Variants in ZNF721 observed in about 807,000 individuals in gnomAD.
ZNF721 encodes the protein zinc finger protein 721.
Under a neutral mutation model 2.4 loss-of-function variants are expected in ZNF721, and 2 were observed. The ratio of observed to expected loss-of-function variants is 0.82; its 90% confidence interval spans 0.34 to 2.58. ZNF721 has a LOEUF of 2.58. ZNF721 is among the 30% of genes most tolerant of loss of function. The pLI, the probability that ZNF721 is intolerant of heterozygous loss-of-function variation, is 0.11. For synonymous variants in ZNF721, 398 were observed against 381.8 expected, an observed-to-expected ratio of 1.04 and a Z score of -0.50; for missense variants, 1,187 against 1,085.5, an observed-to-expected ratio of 1.09 and a Z score of -1.31.
rs781874292 is a variant in ZNF721 at position 444,301 on chromosome 4, T to C, written c.166A>G (p.Met56Val). 1 of 1,614,170 alleles carries C rather than the reference T, an allele frequency of 6.2e-7. No homozygotes were observed. Among genetic ancestry groups the C allele is most frequent in the Non-Finnish European group, 8.5e-7 (1 of 1,180,016 alleles). Residue 56 changes from methionine to valine, a missense_variant, in exon 3 of 3, where the codon ATG becomes GTG. Physicochemically the swap from Met to Val is conservative, Grantham distance 21. Transcript: ENST00000511833. ...CCCTTCTGCACTTTACACACGTTCA[T>C]ACTTTTACAGCCTTTCCTTAATTGT... is the stretch of plus-strand genomic sequence containing the variant. ...NLQLRKGCKSMNVCKVQKGVY... is the reference protein window; with the variant it reads ...NLQLRKGCKSVNVCKVQKGVY...
Position 444,208 on chromosome 4 carries a change from C to A in ZNF721, c.259G>T (p.Val87Phe), listed in dbSNP as rs368144392. 26 of 1,613,746 alleles carry A rather than the reference C, an allele frequency of 1.6e-5. No homozygotes were observed. In the African/African-American group the frequency reaches 3.5e-4, roughly 22 times the overall value. ...QSKIFQCNAR[V>F]KVFSKFANSN... ...TTTGCAAATTTACTAAAAACTTTGACACGTGCATTACATTGAAATATTTTG... is the reference window on the plus strand; with the variant it reads ...TTTGCAAATTTACTAAAAACTTTGAAACGTGCATTACATTGAAATATTTTG... Residue 87 changes from valine (V) to phenylalanine (F), a missense_variant, in exon 3 of 3, where the codon GTC (valine) becomes TTC (phenylalanine). Transcript: ENST00000511833.
Position 442,865 on chromosome 4 carries a change from A to C in ZNF721, c.1602T>G (p.Cys534Trp). 6.2e-7 allele frequency: 1 copy of C among 1,613,898 alleles called. No individual in the cohort carries two copies. Among genetic ancestry groups the C allele is most frequent in the Non-Finnish European group, 8.5e-7 (1 of 1,179,910 alleles). Residue 534 changes from cysteine to tryptophan, a missense_variant, in exon 3 of 3, where the codon TGT (cysteine) becomes TGG (tryptophan). Transcript: ENST00000511833. The stretch of plus-strand genomic sequence containing the variant: ...TTGCGGACTGTCTAAAGGCTTTGCC[A>C]CATACTTCACATGTGTAGGGTTTCT... ...TGEKPYTCEV[C>W]GKAFRQSAIL...
chr4:458,280 A>G (rs562894070), intron 2 of ZNF721, among the ~76,000 whole-genome samples: 35 of 152,180 alleles, frequency 2.3e-4, no homozygotes, highest in Non-Finnish European at 3.2e-4. Context: ...TGCCCAGATA[A>G]CAGGTCTCCC....
At chr4:482,653 T>C (rs1196272198) in intron 1 of ZNF721, among the ~76,000 whole-genome samples, 1 of 151,752 alleles carries the variant, frequency 6.6e-6, no homozygotes, top group African/African-American at 2.4e-5. Flanking sequence ...CCCGCCACCA[T>C]GCCCAGCTAA....
intron 1 of ZNF721, 23 bp downstream of exon 1, chr4:499,033 A>C: frequency 2.2e-6 from 1 of 448,564 alleles, no homozygotes; most frequent in Non-Finnish European, 4.0e-6. Context: ...CTTCCAAATT[A>C]AAAACTTTTT....
intron 2 of ZNF721, among the ~76,000 whole-genome samples, chr4:468,082 G>A (rs974447189): frequency 1.1e-4 from 16 of 151,994 alleles, no homozygotes; most frequent in South Asian, 4.1e-4. Context: ...GATCGAGACC[G>A]CGGTGAAACC....
At chr4:462,619 C>T (rs939614142) in intron 2 of ZNF721, among the ~76,000 whole-genome samples, 1 of 152,192 alleles carries the variant, frequency 6.6e-6, no homozygotes, top group African/African-American at 2.4e-5. Context: ...ACCATCTGAT[C>T]TTCGACAAAC....
intron 2 of ZNF721, among the ~76,000 whole-genome samples, chr4:447,529 T>C (rs1463157846): frequency 6.6e-6 from 1 of 151,716 alleles, no homozygotes; most frequent in Non-Finnish European, 1.5e-5. Flanking sequence ...AAAAAATCAA[T>C]AAAACGTGTA....
intron 1 of ZNF721, among the ~76,000 whole-genome samples, chr4:487,394 C>G (rs1369238086): frequency 1.3e-5 from 2 of 152,168 alleles, no homozygotes; most frequent in African/African-American, 2.4e-5. Flanking sequence ...ACAGACAGCT[C>G]ACTCCCAGAA....
chr4:457,726 G>A (rs1208139550), intron 2 of ZNF721, among the ~76,000 whole-genome samples: 8 of 152,214 alleles, frequency 5.3e-5, no homozygotes, highest in South Asian at 2.1e-4. Flanking sequence ...GGATCTTGAC[G>A]TGGCACTATA....
At position 440,296 on chromosome 4, in the gene ZNF721, CAT is replaced by C. The variant is rs1462751778; in HGVS notation, c.*1397_*1398del. The C allele has an allele frequency of 6.6e-6, 1 of 152,126 alleles. No individual in the cohort carries two copies. Among genetic ancestry groups the C allele is most frequent in the African/African-American group, 2.4e-5 (1 of 41,416 alleles). 9.4% of individuals were successfully genotyped at this position (152,126 alleles called of 1,614,324 possible). ...GCCCACCTAATGCAAAGGAGTTTCT[CAT>C]ATCTCTGACGCAGCAACAATTTATC... On this transcript the variant is annotated 3_prime_UTR_variant, in exon 3 of 3. Coordinates refer to ENST00000511833, the MANE Select transcript of ZNF721 (RefSeq NM_133474.4).
chr4:482,961 A>C lies in ZNF721; in HGVS notation c.-93-10260T>G, dbSNP rs572711359. On this transcript the variant is annotated intron_variant, in intron 1 of 2. Transcript: ENST00000511833. The stretch of plus-strand genomic sequence containing the variant: ...CAGGTGATTCACATGCACATTAATA[A>C]TTGTTAACTGGTAGTAATTCTGTAA... 5.9e-5 allele frequency among the ~76,000 whole-genome samples: 9 copies of C among 152,336 alleles called. No homozygotes were observed. The East Asian group carries it at 1.7e-3, about 29-fold the overall frequency.
intron 2 of ZNF721, among the ~76,000 whole-genome samples, chr4:464,372 G>A (rs1348893338): frequency 6.6e-6 from 1 of 151,446 alleles, no homozygotes; most frequent in Admixed American, 6.6e-5. Context: ...TGGGGGCTGA[G>A]GCAGGAGAAT....
intron 2 of ZNF721, among the ~76,000 whole-genome samples, chr4:446,151 CAT>C (rs146682242): frequency 0.18 from 26,719 of 152,020 alleles, 2,941 homozygotes; most frequent in Non-Finnish European, 0.23. Flanking sequence ...GAAAACCAAA[CAT>C]AATCATACGA....
chr4:441,704 T>A lies in ZNF721; in HGVS notation c.2763A>T (p.Ile921=), dbSNP rs373967952. The part of the protein sequence containing the change: ...HKKIHTGDKT[I]QV ...GGCTTTGCCACATTCTTTACACTTG[T>A]ATGGTTTTATCTCCAGTATGAATTT... Residue 921 remains isoleucine, a synonymous_variant, in exon 3 of 3, where the codon ATA becomes ATT. Transcript: ENST00000511833. 1 of 1,606,308 alleles carries A rather than the reference T, an allele frequency of 6.2e-7. No homozygotes were observed. The highest frequency in any genetic ancestry group is 2.2e-5 in the East Asian group (1 of 44,786).
In ZNF721 at chr4:484,526, G is replaced by A. The variant is rs544449042; in HGVS notation, c.-93-11825C>T. Among the ~76,000 whole-genome samples the A allele has an allele frequency of 4.6e-5, 7 of 152,272 alleles. No individual in the cohort carries two copies. In the South Asian group the frequency reaches 1.5e-3, roughly 32 times the overall value. The stretch of plus-strand genomic sequence containing the variant: ...TGAATTCTTTATCTCAGCAAGGAAC[G>A]TCCCTGAGAAGGAGAATACACGCCT... On this transcript the variant is annotated intron_variant, in intron 1 of 2. Transcript: ENST00000511833.
intron 1 of ZNF721, among the ~76,000 whole-genome samples, chr4:487,730 T>G (rs1236596231): frequency 6.6e-6 from 1 of 152,168 alleles, no homozygotes; most frequent in Non-Finnish European, 1.5e-5. Flanking sequence ...GGCAGGAGAA[T>G]AGGGTCTGGA....
chr4:472,903 T>G (rs576448657), intron 1 of ZNF721, among the ~76,000 whole-genome samples: 2 of 152,028 alleles, frequency 1.3e-5, no homozygotes, highest in Admixed American at 1.3e-4. Context: ...ATAAAAATAA[T>G]GGGCTACACT....
rs1326288736 is a variant in ZNF721, at chr4:443,665, T to C, written c.802A>G (p.Lys268Glu). The C allele has an allele frequency of 6.2e-7, 1 of 1,613,942 alleles. No individual in the cohort carries two copies. The highest frequency in any genetic ancestry group is 8.5e-7 in the Non-Finnish European group (1 of 1,179,974). ...GGTTTCTCGCCAGTATGAATCCTCT[T>C]ATGTTTAGCAAAGCTTGAGGATGAG... Reference protein sequence around the residue: ...ISSSSSFAKHKRIHTGEKPFK... With the variant: ...ISSSSSFAKHERIHTGEKPFK... The change falls in exon 3 of 3, where the codon AAG becomes GAG. Residue 268 changes from lysine (K) to glutamate (E), a missense_variant. Coordinates refer to ENST00000511833, the MANE Select transcript of ZNF721 (RefSeq NM_133474.4).
Sources: gnomAD v4.1 joint callset for allele counts (sites outside exome capture counted in the v4.1 genomes callset) on GRCh38, gnomAD v4.1.1 for gene constraint, MANE v1.5 for transcripts, NCBI Gene and HGNC (gene_info 2026-07-23, HGNC 2026-07-21) for gene names.